Variants in PCLO observed in about 807,000 individuals in gnomAD.
The protein encoded by PCLO is protein piccolo.
In PCLO, 82 loss-of-function variants were observed where a neutral mutation model predicts 427.5. That is an observed-to-expected ratio of 0.19 (90% CI 0.16 to 0.23). The LOEUF is 0.23. Among genes scored for constraint, PCLO ranks in the 10% least tolerant of loss-of-function variants. The pLI is 1.00. For synonymous variants in PCLO, 2,357 were observed against 2,155.4 expected (o/e 1.09, Z -2.59); for missense variants, 6,239 against 6,115.9 (o/e 1.02, Z -0.67).
intron 22 of PCLO, among the ~76,000 whole-genome samples, chr7:82,774,024 C>T (rs940072757): frequency 2.6e-5 from 4 of 152,160 alleles, no homozygotes; most frequent in South Asian, 2.1e-4. Context: ...TGCTGGATTC[C>T]GGCAGCAGCC....
intron 22 of PCLO, among the ~76,000 whole-genome samples, chr7:82,768,025 A>T (rs1011620299): frequency 1.3e-5 from 2 of 152,112 alleles, no homozygotes; most frequent in Non-Finnish European, 2.9e-5. Flanking sequence ...AGGGAGGAGG[A>T]ACTTGAAGAT....
At chr7:82,866,663 C>T (rs955329140) in intron 10 of PCLO, among the ~76,000 whole-genome samples, 4 of 123,770 alleles carry the variant, frequency 3.2e-5, no homozygotes, top group Non-Finnish European at 4.9e-5. Flanking sequence ...TATACACACA[C>T]ACACACACAC....
chr7:82,853,490 C>T (rs151180812), intron 10 of PCLO, among the ~76,000 whole-genome samples: 45 of 152,076 alleles, frequency 3.0e-4, no homozygotes, highest in African/African-American at 1.0e-3. Context: ...TCTGAATTTC[C>T]GTTTATTGAA....
chr7:82,948,885 T>C (rs1795264950), intron 6 of PCLO, among the ~76,000 whole-genome samples: 1 of 152,214 alleles, frequency 6.6e-6, no homozygotes, highest in African/African-American at 2.4e-5. Context: ...TGGACTATGA[T>C]GATTATATCA....
chr7:82,965,029 A>G (rs549076387), intron 4 of PCLO, among the ~76,000 whole-genome samples: 1 of 152,274 alleles, frequency 6.6e-6, no homozygotes, highest in African/African-American at 2.4e-5. Context: ...TTACAGCTCC[A>G]AAAAATATCA....
chr7:83,021,650 C>A lies in PCLO; in HGVS notation c.3301-55163G>T, dbSNP rs1788346249. Among the ~76,000 whole-genome samples, 3 of 152,156 alleles carry A rather than the reference C, an allele frequency of 2.0e-5. No homozygotes were observed. In the South Asian group the frequency reaches 6.2e-4, roughly 32 times the overall value. Reference sequence around the variant, plus strand: ...AATTACCAGCATATAGAAATAAAAACATATTTCAGTAAATTTGGAGCAAGG... The same window carrying A: ...AATTACCAGCATATAGAAATAAAAAAATATTTCAGTAAATTTGGAGCAAGG... On this transcript the variant is annotated intron_variant, in intron 3 of 24. Coordinates refer to ENST00000333891, the MANE Select transcript of PCLO (RefSeq NM_033026.6).
chr7:82,978,233 A>T (rs748153434), intron 3 of PCLO, among the ~76,000 whole-genome samples: 4 of 151,438 alleles, frequency 2.6e-5, no homozygotes, highest in Admixed American at 6.6e-5. Flanking sequence ...TCTCTTCACC[A>T]GGAAAGTTTT....
At chr7:82,928,615 T>C (rs1028062777) in intron 6 of PCLO, among the ~76,000 whole-genome samples, 2 of 152,112 alleles carry the variant, frequency 1.3e-5, no homozygotes, top group Admixed American at 6.6e-5. Flanking sequence ...CCTCAGGTAA[T>C]CCACCCGCCT....
chr7:82,823,888 T>G (rs931876755), intron 19 of PCLO, among the ~76,000 whole-genome samples: 3 of 152,206 alleles, frequency 2.0e-5, no homozygotes, highest in Non-Finnish European at 4.4e-5. Flanking sequence ...GTCTAGTCAA[T>G]GAACTCGTAG....
At chr7:83,104,824 T>C (rs373317216) in intron 3 of PCLO, among the ~76,000 whole-genome samples, 3 of 152,218 alleles carry the variant, frequency 2.0e-5, no homozygotes, top group East Asian at 1.9e-4. Context: ...AACAAAGACC[T>C]GGAAAAAGTC....
intron 20 of PCLO, among the ~76,000 whole-genome samples, chr7:82,819,339 CT>C (rs1486243427): frequency 6.6e-6 from 1 of 151,674 alleles, no homozygotes; most frequent in Non-Finnish European, 1.5e-5. Flanking sequence ...ATTAAAAACA[CT>C]TTAATATAAA....
intron 3 of PCLO, among the ~76,000 whole-genome samples, chr7:82,971,790 G>C (rs1795913463): frequency 6.7e-6 from 1 of 149,432 alleles, no homozygotes; most frequent in African/African-American, 2.4e-5. Context: ...TTGTATTACT[G>C]AGTTTACTAC....
At chr7:82,913,751 GT>G (rs1484740430) in intron 7 of PCLO, among the ~76,000 whole-genome samples, 1 of 151,996 alleles carries the variant, frequency 6.6e-6, no homozygotes, top group Non-Finnish European at 1.5e-5. Context: ...TGTACTACTT[GT>G]TTATGGTTGT....
chr7:82,866,581 A>G (rs1436715155), intron 10 of PCLO, among the ~76,000 whole-genome samples: 1 of 151,818 alleles, frequency 6.6e-6, no homozygotes, highest in South Asian at 2.1e-4. Context: ...AGTAGAGTGT[A>G]AAAGGAAACA....
chr7:82,759,988 T>C (rs928123374), intron 24 of PCLO, among the ~76,000 whole-genome samples: 1 of 151,912 alleles, frequency 6.6e-6, no homozygotes, highest in Non-Finnish European at 1.5e-5. Flanking sequence ...CCCAGGGTCA[T>C]CAGTAAGGAG....
In PCLO at chr7:83,124,293, G is replaced by A. The variant is rs370642941; in HGVS notation, c.3300+9957C>T. Among the ~76,000 whole-genome samples the A allele has an allele frequency of 1.5e-3, 223 of 150,684 alleles. 1 individual carries two copies. Among genetic ancestry groups the A allele is most frequent in the African/African-American group, 5.2e-3 (212 of 40,920 alleles). On this transcript the variant is annotated intron_variant, in intron 3 of 24. Coordinates refer to ENST00000333891, the MANE Select transcript of PCLO (RefSeq NM_033026.6). The stretch of plus-strand genomic sequence containing the variant: ...GATAGCGCCACTGCACTCTGAGCTT[G>A]CAGTGAGCCGAGATAGCACCACTGT...
chr7:82,850,314 T>C (rs1792617481), intron 10 of PCLO, among the ~76,000 whole-genome samples: 1 of 152,126 alleles, frequency 6.6e-6, no homozygotes, highest in Non-Finnish European at 1.5e-5. Context: ...TGGCCTTTAA[T>C]AGCTTTTAAT....
At chr7:83,160,847 G>C (rs1209442517) in intron 1 of PCLO, among the ~76,000 whole-genome samples, 2 of 152,046 alleles carry the variant, frequency 1.3e-5, no homozygotes, top group African/African-American at 4.8e-5. Context: ...AAAAGATCTG[G>C]CATACAGTTC....
rs556460297 is a variant in PCLO, at chr7:82,824,384, G to A, written c.14448C>T (p.Leu4816=). ...VLIDLSSTSH[L]DNTPRWYPLK... ...GAGGATACCACCTTGGAGTGTTATC[G>A]AGGTGAGATGTGCTAGATAAATCAA... is the stretch of plus-strand genomic sequence containing the variant. Residue 4816 remains leucine (L), a synonymous_variant, in exon 19 of 25, where the codon CTC becomes CTT. Transcript: ENST00000333891. 216 of 1,610,094 alleles carry A rather than the reference G, an allele frequency of 1.3e-4. No individual in the cohort carries two copies. The South Asian group carries it at 2.2e-3, about 16-fold the overall frequency.
Sources: gnomAD v4.1 joint callset for allele counts (sites outside exome capture counted in the v4.1 genomes callset) on GRCh38, gnomAD v4.1.1 for gene constraint, MANE v1.5 for transcripts, NCBI Gene and HGNC (gene_info 2026-07-23, HGNC 2026-07-21) for gene names.